The following LSAMP variants were observed in gnomAD, a reference collection of about 807,000 sequenced individuals.
The protein encoded by LSAMP is limbic system associated membrane protein, also known as limbic system-associated membrane protein.
In LSAMP, 7 loss-of-function variants were observed where a neutral mutation model predicts 38.6. The observed-to-expected ratio is 0.18, with a 90% CI of 0.10 to 0.34. LSAMP has a LOEUF of 0.34. Among genes scored for constraint, LSAMP ranks in the 10% least tolerant of loss-of-function variants. The pLI is 1.00. For missense variants in LSAMP, 313 were observed against 420.0 expected (o/e 0.75, Z 2.23); for synonymous variants, 154 against 166.8 (o/e 0.92, Z 0.59).
intron 1 of LSAMP, among the ~76,000 whole-genome samples, chr3:116,275,042 A>G (rs190625746): frequency 6.6e-6 from 1 of 150,966 alleles, no homozygotes; most frequent in Non-Finnish European, 1.5e-5. Context: ...CACGGCCACA[A>G]AGGATTTAAA....
intron 1 of LSAMP, among the ~76,000 whole-genome samples, chr3:116,136,242 C>A (rs903652659): frequency 6.6e-6 from 1 of 152,144 alleles, no homozygotes; most frequent in African/African-American, 2.4e-5. Flanking sequence ...CAAAGGTATT[C>A]ATTCAGTCAG....
chr3:116,278,340 C>T (rs754274814), intron 1 of LSAMP, among the ~76,000 whole-genome samples: 1 of 152,050 alleles, frequency 6.6e-6, no homozygotes, highest in Non-Finnish European at 1.5e-5. Context: ...CCTCTTCCTG[C>T]TATTTACTAC....
intron 2 of LSAMP, among the ~76,000 whole-genome samples, chr3:116,035,807 T>A (rs1408217980): frequency 1.3e-5 from 2 of 152,216 alleles, no homozygotes; most frequent in Non-Finnish European, 2.9e-5. Context: ...ATTATGTCAT[T>A]GGACGTTGTG....
intron 2 of LSAMP, among the ~76,000 whole-genome samples, chr3:116,075,699 C>G (rs1707726639): frequency 6.6e-6 from 1 of 151,740 alleles, no homozygotes; most frequent in Middle Eastern, 3.5e-3. Context: ...CGCCACCACA[C>G]CCGGCTAATT....
intron 1 of LSAMP, among the ~76,000 whole-genome samples, chr3:116,405,755 T>C (rs1056484491): frequency 6.6e-6 from 1 of 152,118 alleles, no homozygotes; most frequent in Non-Finnish European, 1.5e-5. Context: ...TTGCAGATGC[T>C]GATATGGAAT....
chr3:116,354,350 T>C (rs2048190610), intron 1 of LSAMP, among the ~76,000 whole-genome samples: 1 of 152,216 alleles, frequency 6.6e-6, no homozygotes, highest in African/African-American at 2.4e-5. Context: ...CTGCTATTTA[T>C]AACCACCTTG....
intron 1 of LSAMP, among the ~76,000 whole-genome samples, chr3:116,221,730 C>G (rs1004948034): frequency 6.6e-6 from 1 of 152,194 alleles, no homozygotes; most frequent in East Asian, 1.9e-4. Context: ...TGGTGTCTCA[C>G]TACTTCCATC....
intron 3 of LSAMP, among the ~76,000 whole-genome samples, chr3:115,927,461 T>A (rs1038512644): frequency 2.6e-5 from 4 of 152,180 alleles, no homozygotes; most frequent in African/African-American, 9.7e-5. Flanking sequence ...ACACAGCAGC[T>A]TGCTGCCTGG....
chr3:116,268,870 T>A (rs1456480989), intron 1 of LSAMP, among the ~76,000 whole-genome samples: 1 of 152,006 alleles, frequency 6.6e-6, no homozygotes, highest in Non-Finnish European at 1.5e-5. Context: ...TGGAACTAAC[T>A]TTTTTGGGGA....
chr3:116,259,731 G>A (rs2046800775), intron 1 of LSAMP, among the ~76,000 whole-genome samples: 1 of 151,816 alleles, frequency 6.6e-6, no homozygotes. Context: ...ATCTCCTATT[G>A]GTTGAGTGTA....
At chr3:115,906,288 C>T (rs1937005772) in intron 3 of LSAMP, among the ~76,000 whole-genome samples, 1 of 152,128 alleles carries the variant, frequency 6.6e-6, no homozygotes, top group Admixed American at 6.6e-5. Flanking sequence ...CTGAGACCAG[C>T]ATTTATTAAG....
intron 1 of LSAMP, among the ~76,000 whole-genome samples, chr3:116,139,690 A>G (rs78828452): frequency 0.021 from 3,251 of 152,004 alleles, 114 homozygotes; most frequent in African/African-American, 0.073. Flanking sequence ...ATCCAGATCA[A>G]TATATTATAG....
At chr3:115,838,535 ATGT>A (rs1333078471) in intron 6 of LSAMP, among the ~76,000 whole-genome samples, 7 of 152,264 alleles carry the variant, frequency 4.6e-5, no homozygotes. Flanking sequence ...CATTGGATTA[ATGT>A]ATTCAAAACT....
chr3:116,192,984 C>G (rs1257917949), intron 1 of LSAMP, among the ~76,000 whole-genome samples: 1 of 152,202 alleles, frequency 6.6e-6, no homozygotes, highest in South Asian at 2.1e-4. Context: ...TTGCCAACAA[C>G]TGCACTGTAA....
Position 116,310,817 on chromosome 3 carries a change from A to T in LSAMP, c.155+134060T>A, listed in dbSNP as rs140927821. Among the ~76,000 whole-genome samples the T allele has an allele frequency of 5.0e-3, 757 of 152,248 alleles. 5 individuals carry two copies. Among genetic ancestry groups the T allele is most frequent in the Non-Finnish European group, 7.0e-3 (473 of 67,992 alleles). Reference sequence around the variant, plus strand: ...AATTTGGGTCCAGAAAAGTTAACTGACTTGACCAAGAACATAAAAATGTAT... The same window carrying T: ...AATTTGGGTCCAGAAAAGTTAACTGTCTTGACCAAGAACATAAAAATGTAT... On this transcript the variant is annotated intron_variant, in intron 1 of 6. Transcript: ENST00000490035.
rs981626170 is a variant in LSAMP at position 115,802,942 on chromosome 3, A to G, written c.*7375T>C. Reference sequence around the variant, plus strand: ...AGGGAGCAGAACTTGGCCACAGTTCACCAGGATGAACAATTTCCATTCTCT... The same window carrying G: ...AGGGAGCAGAACTTGGCCACAGTTCGCCAGGATGAACAATTTCCATTCTCT... On this transcript the variant is annotated 3_prime_UTR_variant, in exon 7 of 7. Coordinates refer to ENST00000490035, the MANE Select transcript of LSAMP (RefSeq NM_002338.5). 6.6e-6 allele frequency: 1 copy of G among 152,150 alleles called. No individual in the cohort carries two copies. Among genetic ancestry groups the G allele is most frequent in the Admixed American group, 6.5e-5 (1 of 15,278 alleles). The allele number at this position is 152,150 out of a possible 1,614,324, so 9.4% of individuals were successfully genotyped here.
At chr3:115,954,131 G>A (rs1938379939) in intron 3 of LSAMP, among the ~76,000 whole-genome samples, 1 of 152,104 alleles carries the variant, frequency 6.6e-6, no homozygotes, top group African/African-American at 2.4e-5. Context: ...ATTCCCAGTT[G>A]GTATGTTATA....
chr3:116,111,695 G>T (rs1708620203), intron 1 of LSAMP, among the ~76,000 whole-genome samples: 1 of 152,058 alleles, frequency 6.6e-6, no homozygotes, highest in South Asian at 2.1e-4. Context: ...AGATTTGCAA[G>T]ACCATGTTTC....
At chr3:116,027,078 A>G (rs1940808912) in intron 2 of LSAMP, among the ~76,000 whole-genome samples, 1 of 152,174 alleles carries the variant, frequency 6.6e-6, no homozygotes. Flanking sequence ...ATTGCATGAG[A>G]CACATTTATA....
Sources: allele counts gnomAD v4.1 joint callset (sites outside exome capture counted in the v4.1 genomes callset), GRCh38; gene constraint gnomAD v4.1.1; transcripts MANE v1.5; gene names NCBI Gene and HGNC (gene_info 2026-07-23, HGNC 2026-07-21).